The following LY96 variants were observed in gnomAD, a reference collection of about 807,000 sequenced individuals.
LY96 encodes the protein myeloid differentiation protein-2.
Under a neutral mutation model 18.9 loss-of-function variants are expected in LY96, and 18 were observed. The ratio of observed to expected loss-of-function variants is 0.95; its 90% CI spans 0.66 to 1.41. The LOEUF (loss-of-function observed/expected upper bound fraction) is 1.41, where lower values mean the gene tolerates loss of function less well. Ranked by LOEUF, LY96 falls within the 40% of genes most tolerant of loss-of-function variation. The probability of loss-of-function intolerance (pLI) is 0.00; values close to 1 mark genes in which losing one functional copy is unlikely to be tolerated. For synonymous variants in LY96, 66 were observed against 62.6 expected (o/e 1.06, Z -0.26); for missense variants, 175 against 182.4 (o/e 0.96, Z 0.23).
chr8:74,085,944 G>A, the LY96 span, among the ~76,000 whole-genome samples: 3 of 152,082 alleles, frequency 2.0e-5, no homozygotes, highest in Non-Finnish European at 4.4e-5. Context: ...ACATAATACA[G>A]TATTGTTAAC....
At chr8:74,083,737 G>T in the LY96 span, among the ~76,000 whole-genome samples, 4 of 151,962 alleles carry the variant, frequency 2.6e-5, no homozygotes, top group African/African-American at 9.7e-5. Flanking sequence ...GTCACCCAGG[G>T]TGAAGTGCAG....
intron 1 of LY96, among the ~76,000 whole-genome samples, chr8:73,995,724 C>A (rs1816112552): frequency 6.9e-6 from 1 of 145,250 alleles, no homozygotes; most frequent in Non-Finnish European, 1.5e-5. Context: ...CAGTTCTAAT[C>A]TTTATTTTTT....
At chr8:74,028,270 G>A (rs527704090) in intron 4 of LY96, among the ~76,000 whole-genome samples, 1 of 152,198 alleles carries the variant, frequency 6.6e-6, no homozygotes, top group South Asian at 2.1e-4. Context: ...TTTTCTTTCT[G>A]TAGACTATGG....
downstream of LY96, among the ~76,000 whole-genome samples, chr8:74,031,988 G>T (rs1052197790): frequency 1.3e-5 from 2 of 152,066 alleles, no homozygotes; most frequent in Admixed American, 1.3e-4. Flanking sequence ...ATCTGGTAGT[G>T]GTGGCGCACA....
At chr8:74,042,888 T>A in the LY96 span, among the ~76,000 whole-genome samples, 1 of 151,538 alleles carries the variant, frequency 6.6e-6, no homozygotes, top group African/African-American at 2.4e-5. Context: ...GAGATTCTCC[T>A]GCCTCAGCCT....
At chr8:74,037,944 C>T in the LY96 span, among the ~76,000 whole-genome samples, 6 of 152,058 alleles carry the variant, frequency 3.9e-5, no homozygotes, top group Admixed American at 1.3e-4. Context: ...TTAACTTATC[C>T]GTTAGGTAGA....
chr8:74,045,348 G>T, the LY96 span, among the ~76,000 whole-genome samples: 2 of 152,170 alleles, frequency 1.3e-5, no homozygotes, highest in African/African-American at 2.4e-5. Context: ...TACAATAAAT[G>T]CCAGTGACAA....
In LY96 at chr8:73,991,541, A is replaced by T. The variant is rs1167667646; in HGVS notation, c.99A>T (p.Ser33=). ...WVCNSSDASI[S]YTYCDKMQYP... is the part of the protein sequence containing the mutation. Reference sequence around the variant, plus strand: ...GCAACTCATCCGATGCAAGTATTTCATACACCTACTGTGGTAAGTAAAACC... The same window carrying T: ...GCAACTCATCCGATGCAAGTATTTCTTACACCTACTGTGGTAAGTAAAACC... The change falls in exon 1 of 5, where the codon TCA becomes TCT. Residue 33 remains serine, a synonymous_variant. Coordinates refer to ENST00000284818, the MANE Select transcript of LY96 (RefSeq NM_015364.5). The T allele has an allele frequency of 6.3e-6, 10 of 1,595,932 alleles. No individual in the cohort carries two copies. Among genetic ancestry groups the T allele is most frequent in the Non-Finnish European group, 8.6e-6 (10 of 1,163,622 alleles).
chr8:74,002,012 TTCCTTCCTTCCTTCCTTC>T (rs1563710579), intron 1 of LY96, among the ~76,000 whole-genome samples: 17 of 9,804 alleles, frequency 1.7e-3, no homozygotes, highest in African/African-American at 4.3e-3. Context: ...CCTTTCTTCC[TTCCTTCCTTCCTTCCTTC>T]CTTCCTTCCT....
At chr8:74,065,928 A>G in the LY96 span, among the ~76,000 whole-genome samples, 1 of 152,234 alleles carries the variant, frequency 6.6e-6, no homozygotes, top group Non-Finnish European at 1.5e-5. Flanking sequence ...TTAACAAGTT[A>G]TACATGGCAT....
chr8:74,000,255 T>G (rs1254571209), intron 1 of LY96, among the ~76,000 whole-genome samples: 1 of 124,014 alleles, frequency 8.1e-6, no homozygotes, highest in Non-Finnish European at 1.9e-5. Context: ...ACTTTCCTGC[T>G]TATCTATTTC....
rs187015325 is a variant in LY96, at chr8:73,992,958, G to T, written c.112+1404G>T. Among the ~76,000 whole-genome samples, 460 of 151,032 alleles carry T rather than the reference G, an allele frequency of 3.0e-3. 3 individuals carry two copies. The highest frequency in any genetic ancestry group is 0.011 in the African/African-American group (443 of 41,140). Reference sequence around the variant, plus strand: ...CAACCTCTGCCTCCCAAGTTCAAACGATTCCCATGCCTCAGCCTCCTGAGT... The same window carrying T: ...CAACCTCTGCCTCCCAAGTTCAAACTATTCCCATGCCTCAGCCTCCTGAGT... On this transcript the variant is annotated intron_variant, in intron 1 of 4. Coordinates refer to ENST00000284818, the MANE Select transcript of LY96 (RefSeq NM_015364.5).
At chr8:74,019,602 G>C (rs569207820) in intron 3 of LY96, among the ~76,000 whole-genome samples, 1 of 152,240 alleles carries the variant, frequency 6.6e-6, no homozygotes, top group East Asian at 1.9e-4. Flanking sequence ...CCAAAGCCTG[G>C]CAGAGACACA....
At chr8:74,037,327 G>A in the LY96 span, among the ~76,000 whole-genome samples, 3 of 152,190 alleles carry the variant, frequency 2.0e-5, no homozygotes, top group African/African-American at 7.2e-5. Flanking sequence ...ACAGAAGAAT[G>A]GTGAGTCTAA....
At chr8:74,027,738 A>G (rs1165518773) in intron 4 of LY96, among the ~76,000 whole-genome samples, 1 of 152,216 alleles carries the variant, frequency 6.6e-6, no homozygotes. Context: ...ATTCTAAGGT[A>G]TATGTCTATG....
the LY96 span, among the ~76,000 whole-genome samples, chr8:74,069,823 A>C: frequency 6.6e-6 from 1 of 152,070 alleles, no homozygotes; most frequent in Non-Finnish European, 1.5e-5. Flanking sequence ...GCTGGTCTTG[A>C]ACTCCTGACC....
At chr8:74,080,885 G>A in the LY96 span, among the ~76,000 whole-genome samples, 1 of 152,188 alleles carries the variant, frequency 6.6e-6, no homozygotes, top group Non-Finnish European at 1.5e-5. Context: ...GCTGACTCTT[G>A]TGCAGAAGAG....
chr8:74,096,656 G>T, the LY96 span, among the ~76,000 whole-genome samples: 1 of 152,030 alleles, frequency 6.6e-6, no homozygotes, highest in Non-Finnish European at 1.5e-5. Flanking sequence ...TTTGACAATT[G>T]TCAGCCATTT....
the LY96 span, among the ~76,000 whole-genome samples, chr8:74,060,868 T>G: frequency 2.0e-5 from 3 of 152,224 alleles, no homozygotes; most frequent in Non-Finnish European, 4.4e-5. Context: ...CCAAACCTCT[T>G]TCTGGTAATC....
Sources: allele counts gnomAD v4.1 joint callset (sites outside exome capture counted in the v4.1 genomes callset), GRCh38; gene constraint gnomAD v4.1.1; transcripts MANE v1.5; gene names NCBI Gene and HGNC (gene_info 2026-07-23, HGNC 2026-07-21).